DRC11: variants seen among roughly 807,000 people sequenced by gnomAD.
The protein encoded by DRC11 is dynein regulatory complex subunit 11.
chr2:236,371,587 A>ACT, the DRC11 span, among the ~76,000 whole-genome samples: 2 of 152,014 alleles, frequency 1.3e-5, no homozygotes, highest in Middle Eastern at 3.4e-3. This position sits in a 1 kb window ranked among gnomAD's most constrained non-coding sequence, Gnocchi z 5.1. Flanking sequence ...TATGCATTGC[A>ACT]CTCTCTCTCC....
At chr2:236,399,405 A>C in the DRC11 span, 1 of 1,612,478 alleles carries the variant, frequency 6.2e-7, no homozygotes, top group East Asian at 2.2e-5. This position sits in a 1 kb window ranked among gnomAD's most constrained non-coding sequence, Gnocchi z 7.0. Context: ...ACGTTCTCCT[A>C]AACTGACCTT....
chr2:236,384,693 T>G, the DRC11 span, among the ~76,000 whole-genome samples: 11,271 of 151,122 alleles, frequency 0.075, 624 homozygotes, highest in African/African-American at 0.16. Flanking sequence ...TTTTGGCTTT[T>G]GTTGCCATTG....
the DRC11 span, among the ~76,000 whole-genome samples, chr2:236,357,338 A>C: frequency 3.8e-5 from 3 of 78,230 alleles, no homozygotes; most frequent in African/African-American, 1.6e-4. Flanking sequence ...TCATATATGA[A>C]TATATATATT....
the DRC11 span, among the ~76,000 whole-genome samples, chr2:236,433,231 T>C: frequency 2.0e-5 from 3 of 152,280 alleles, no homozygotes; most frequent in African/African-American, 7.2e-5. Flanking sequence ...TTCTTGGTTA[T>C]TTGCTTTCTA....
the DRC11 span, among the ~76,000 whole-genome samples, chr2:236,452,748 A>G: frequency 6.6e-6 from 1 of 152,262 alleles, no homozygotes; most frequent in Non-Finnish European, 1.5e-5. The surrounding 1 kb of genome is among the most constrained non-coding windows in gnomAD (Gnocchi z 4.7). Context: ...CTTAGCAGTT[A>G]TCACTCAAGA....
the DRC11 span, among the ~76,000 whole-genome samples, chr2:236,419,470 G>A: frequency 6.6e-6 from 1 of 152,210 alleles, no homozygotes; most frequent in African/African-American, 2.4e-5. The surrounding 1 kb of genome is among the most constrained non-coding windows in gnomAD (Gnocchi z 4.8). Flanking sequence ...TGAACAGGGG[G>A]CAGCAGCCTC....
At chr2:236,507,432 C>G in the DRC11 span, 1 of 699,698 alleles carries the variant, frequency 1.4e-6, no homozygotes. Context: ...CTGCTTCGGG[C>G]AGGAAAAGGT....
At chr2:236,314,027 T>C in the DRC11 span, among the ~76,000 whole-genome samples, 1 of 152,138 alleles carries the variant, frequency 6.6e-6, no homozygotes, top group East Asian at 1.9e-4. The surrounding 1 kb of genome is among the most constrained non-coding windows in gnomAD (Gnocchi z 4.5). Context: ...GAAAAGATGA[T>C]AAAACTTAAT....
At chr2:236,460,253 A>G in the DRC11 span, among the ~76,000 whole-genome samples, 1 of 152,212 alleles carries the variant, frequency 6.6e-6, no homozygotes, top group Non-Finnish European at 1.5e-5. The surrounding 1 kb of genome is among the most constrained non-coding windows in gnomAD (Gnocchi z 4.0). Context: ...ACTGGACTCC[A>G]AACTGTCAGG....
chr2:236,439,523 TTCAAG>T, the DRC11 span, among the ~76,000 whole-genome samples: 1 of 152,210 alleles, frequency 6.6e-6, no homozygotes, highest in Non-Finnish European at 1.5e-5. Flanking sequence ...CAGTCTATCA[TTCAAG>T]TCTTCTTTCA....
At chr2:236,505,089 A>C in the DRC11 span, among the ~76,000 whole-genome samples, 1 of 152,226 alleles carries the variant, frequency 6.6e-6, no homozygotes, top group Admixed American at 6.5e-5. Context: ...AGACTACTTA[A>C]CAGTTTTTGA....
the DRC11 span, among the ~76,000 whole-genome samples, chr2:236,418,671 C>T: frequency 2.0e-5 from 3 of 152,216 alleles, no homozygotes; most frequent in African/African-American, 7.2e-5. Context: ...ACTGTGTGAA[C>T]TCTGATTTCC....
the DRC11 span, among the ~76,000 whole-genome samples, chr2:236,360,134 T>C: frequency 6.6e-6 from 1 of 152,200 alleles, no homozygotes; most frequent in African/African-American, 2.4e-5. This position sits in a 1 kb window ranked among gnomAD's most constrained non-coding sequence, Gnocchi z 5.8. Flanking sequence ...CAGGAGCTAC[T>C]AAGCTGTTTG....
chr2:236,435,411 A>T, the DRC11 span, among the ~76,000 whole-genome samples: 1 of 152,200 alleles, frequency 6.6e-6, no homozygotes, highest in African/African-American at 2.4e-5. Context: ...CATCATTTAC[A>T]TGTTGTCTAT....
the DRC11 span, chr2:236,331,410 C>T: frequency 3.7e-5 from 59 of 1,613,942 alleles, no homozygotes; most frequent in East Asian, 4.5e-5. This position sits in a 1 kb window ranked among gnomAD's most constrained non-coding sequence, Gnocchi z 4.8. Flanking sequence ...TGGTTATCGC[C>T]GTAATAAACT....
the DRC11 span, among the ~76,000 whole-genome samples, chr2:236,466,606 C>G: frequency 9.8e-4 from 149 of 152,264 alleles, no homozygotes; most frequent in African/African-American, 3.5e-3. Context: ...GAGCCAGTGT[C>G]TCACGTGGTG....
At chr2:236,485,827 G>T in the DRC11 span, among the ~76,000 whole-genome samples, 6 of 152,158 alleles carry the variant, frequency 3.9e-5, 1 homozygote, top group Non-Finnish European at 7.3e-5. Flanking sequence ...GGAGGGGCTC[G>T]GGCAGAGGAG....
chr2:236,383,858 C>T, the DRC11 span, among the ~76,000 whole-genome samples: 1 of 150,052 alleles, frequency 6.7e-6, no homozygotes, highest in East Asian at 2.0e-4. Context: ...TATTCCCCTT[C>T]CTGTGTCCAT....
the DRC11 span, among the ~76,000 whole-genome samples, chr2:236,491,157 C>G: frequency 1.3e-5 from 1 of 79,100 alleles, no homozygotes. Flanking sequence ...TATATACACA[C>G]AGTATATATA....
Sources: allele counts gnomAD v4.1 joint callset (sites outside exome capture counted in the v4.1 genomes callset), GRCh38; gene constraint gnomAD v4.1.1; non-coding constraint Gnocchi (gnomAD v3.1); transcripts MANE v1.5; gene names NCBI Gene and HGNC (gene_info 2026-07-23, HGNC 2026-07-21).